Variants in CIP2A observed in about 807,000 individuals in gnomAD.
CIP2A encodes the protein protein CIP2A.
CIP2A carries 103 observed loss-of-function variants against 110.9 expected under a neutral mutation model. The observed-to-expected ratio is 0.93, with a 90% CI of 0.79 to 1.09. The LOEUF is 1.09. CIP2A is among the 50% of genes least tolerant of loss of function. CIP2A has a pLI of 0.00. For missense variants in CIP2A, 1,088 were observed against 1,038.4 expected (o/e 1.05, Z -0.66); for synonymous variants, 381 against 361.6 (o/e 1.05, Z -0.61).
intron 8 of CIP2A, among the ~76,000 whole-genome samples, chr3:108,575,412 ATACATATACATG>A (rs1404711836): frequency 7.2e-6 from 1 of 138,746 alleles, no homozygotes; most frequent in Non-Finnish European, 1.6e-5. Context: ...ATGTGTATGT[ATACATATACATG>A]TATACATACA....
rs546211889 is a variant in CIP2A, at chr3:108,570,594, G to A, written c.895-987C>T. Among the ~76,000 whole-genome samples, 4 of 152,244 alleles carry A rather than the reference G, an allele frequency of 2.6e-5. No homozygotes were observed. The East Asian group carries it at 5.8e-4, about 22-fold the overall frequency. ...GTAGGCAACTATAACACAATTGTAAGTACTTGTGTATCTAAACATAGAAAA... is the reference window on the plus strand; with the variant it reads ...GTAGGCAACTATAACACAATTGTAAATACTTGTGTATCTAAACATAGAAAA... On this transcript the variant is annotated intron_variant, in intron 8 of 20. Transcript: ENST00000295746.
At chr3:108,551,520 T>A (rs2083898490) in intron 20 of CIP2A, among the ~76,000 whole-genome samples, 3 of 152,092 alleles carry the variant, frequency 2.0e-5, no homozygotes, top group Admixed American at 2.0e-4. Flanking sequence ...TAATACAAAT[T>A]GAGAATACAC....
At chr3:108,573,734 A>G (rs1304776367) in intron 8 of CIP2A, among the ~76,000 whole-genome samples, 1 of 152,152 alleles carries the variant, frequency 6.6e-6, no homozygotes, top group African/African-American at 2.4e-5. Context: ...TAGGGTTCGA[A>G]ATAAAAAAGA....
chr3:108,577,949 G>A (rs982400413), intron 7 of CIP2A, among the ~76,000 whole-genome samples: 1 of 152,060 alleles, frequency 6.6e-6, no homozygotes, highest in Admixed American at 6.6e-5. Context: ...AAATGAGAAA[G>A]CTGACAAGTA....
intron 3 of CIP2A, 131 bp downstream of exon 3, chr3:108,582,846 A>G: frequency 2.3e-6 from 1 of 435,358 alleles, no homozygotes; most frequent in Non-Finnish European, 4.2e-6. Flanking sequence ...TTTTAATGAG[A>G]TGAACTGTGC....
chr3:108,571,434 TA>T, intron 8 of CIP2A, among the ~76,000 whole-genome samples: 1 of 152,168 alleles, frequency 6.6e-6, no homozygotes, highest in Admixed American at 6.6e-5. Flanking sequence ...TGTCATTGAC[TA>T]AAATGTCATT....
chr3:108,583,827 T>C (rs1395887866), intron 2 of CIP2A, among the ~76,000 whole-genome samples: 1 of 152,208 alleles, frequency 6.6e-6, no homozygotes, highest in Non-Finnish European at 1.5e-5. Context: ...ATACCCTCAA[T>C]TGATCATCAC....
At chr3:108,584,706 A>C (rs1471575974) in intron 2 of CIP2A, among the ~76,000 whole-genome samples, 1 of 152,168 alleles carries the variant, frequency 6.6e-6, no homozygotes, top group Non-Finnish European at 1.5e-5. Flanking sequence ...AGAATTTTTT[A>C]AACTATGCAT....
intron 7 of CIP2A, 49 bp from the exon 8 acceptor site, chr3:108,576,395 A>G (rs745833410): frequency 2.1e-6 from 2 of 962,700 alleles, no homozygotes; most frequent in Non-Finnish European, 3.2e-6. Flanking sequence ...TAAAATTGAT[A>G]CATCAAAAGG....
rs539926663 is a variant in CIP2A at position 108,585,487 on chromosome 3, C to T, written c.103-275G>A. On this transcript the variant is annotated intron_variant, in intron 1 of 20. Coordinates refer to ENST00000295746, the MANE Select transcript of CIP2A (RefSeq NM_020890.3). ...CTTATACCATCTCAGTTCGGTCGGC[C>T]TATTATGCTATCCTATAGTACATTA... is the stretch of plus-strand genomic sequence containing the variant. Among the ~76,000 whole-genome samples the T allele has an allele frequency of 1.8e-4, 28 of 152,216 alleles. 1 individual carries two copies. The highest frequency in any genetic ancestry group is 5.3e-4 in the African/African-American group (22 of 41,534).
At chr3:108,584,430 T>G (rs1227295386) in intron 2 of CIP2A, among the ~76,000 whole-genome samples, 1 of 152,162 alleles carries the variant, frequency 6.6e-6, no homozygotes, top group Non-Finnish European at 1.5e-5. Context: ...AGATGAGGGC[T>G]GGTGGTAATG....
intron 10 of CIP2A, among the ~76,000 whole-genome samples, chr3:108,567,110 T>C (rs1938215277): frequency 6.6e-6 from 1 of 151,840 alleles, no homozygotes; most frequent in Non-Finnish European, 1.5e-5. Context: ...AGCTGCATGT[T>C]AGAATCAACC....
intron 8 of CIP2A, among the ~76,000 whole-genome samples, chr3:108,569,995 A>G (rs1938329268): frequency 1.3e-5 from 2 of 152,140 alleles, no homozygotes; most frequent in Admixed American, 6.6e-5. Flanking sequence ...CTAAAATTCA[A>G]TAACCGCTAT....
intron 8 of CIP2A, among the ~76,000 whole-genome samples, chr3:108,572,765 G>C (rs1243344260): frequency 6.6e-6 from 1 of 151,978 alleles, no homozygotes; most frequent in African/African-American, 2.4e-5. Context: ...TGAATAGTGA[G>C]TTTTATTTCT....
chr3:108,571,955 A>T (rs114674539), intron 8 of CIP2A, among the ~76,000 whole-genome samples: 2,120 of 152,158 alleles, frequency 0.014, 52 homozygotes, highest in African/African-American at 0.049. Flanking sequence ...TTAAATCTGC[A>T]TTTCCCTTAA....
chr3:108,553,564 AAAT>A, intron 19 of CIP2A, 81 bp downstream of exon 19: 2 of 1,182,762 alleles, frequency 1.7e-6, no homozygotes, highest in Non-Finnish European at 2.3e-6. Flanking sequence ...AATAAGTAGA[AAAT>A]AAAAAAGCAA....
At chr3:108,570,234 T>G (rs1003848659) in intron 8 of CIP2A, among the ~76,000 whole-genome samples, 2 of 145,678 alleles carry the variant, frequency 1.4e-5, no homozygotes, top group Non-Finnish European at 3.0e-5. Flanking sequence ...AAAAAAAATT[T>G]CTTAAGATCT....
Position 108,573,792 on chromosome 3 carries a change from T to C in CIP2A, c.894+2479A>G, listed in dbSNP as rs112289040. ...TTGTACTGTTTCAACCTTTCTACCA[T>C]CTTTTAGATCATTGTTGCAAATGAT... On this transcript the variant is annotated intron_variant, in intron 8 of 20. Coordinates refer to ENST00000295746, the MANE Select transcript of CIP2A (RefSeq NM_020890.3). Among the ~76,000 whole-genome samples, 1,065 of 152,298 alleles carry C rather than the reference T, an allele frequency of 7.0e-3. 5 individuals are homozygous for C. The highest frequency in any genetic ancestry group is 0.024 in the African/African-American group (1,003 of 41,572).
At chr3:108,582,537 TTTTC>T (rs1342583310) in intron 3 of CIP2A, among the ~76,000 whole-genome samples, 2 of 152,202 alleles carry the variant, frequency 1.3e-5, no homozygotes, top group Non-Finnish European at 2.9e-5. Context: ...TTTGTGATGT[TTTTC>T]TTTCTTACAA....
Sources: gnomAD v4.1 joint callset for allele counts (sites outside exome capture counted in the v4.1 genomes callset) on GRCh38, gnomAD v4.1.1 for gene constraint, MANE v1.5 for transcripts, NCBI Gene and HGNC (gene_info 2026-07-23, HGNC 2026-07-21) for gene names.